The following KCNMA1 variants were observed in gnomAD, a reference collection of about 807,000 sequenced individuals.
KCNMA1 encodes the protein potassium calcium-activated channel subfamily M alpha 1.
Under a neutral mutation model 140.0 loss-of-function variants are expected in KCNMA1, and 29 were observed. That is an observed-to-expected ratio of 0.21 (90% CI 0.15 to 0.28). The LOEUF (loss-of-function observed/expected upper bound fraction) is 0.28, where lower values mean the gene tolerates loss of function less well. Among genes scored for constraint, KCNMA1 ranks in the 10% least tolerant of loss-of-function variants. The pLI is 1.00. For missense variants in KCNMA1, 880 were observed against 1,602.2 expected, an observed-to-expected ratio of 0.55 and a Z score of 7.70; for synonymous variants, 612 against 611.9, an observed-to-expected ratio of 1.00 and a Z score of 0.00.
chr10:77,085,441 C>A (rs147589991), intron 11 of KCNMA1, among the ~76,000 whole-genome samples: 2 of 152,278 alleles, frequency 1.3e-5, no homozygotes, highest in African/African-American at 4.8e-5. Context: ...ATTAGGTCCA[C>A]GAACAATAAC....
intron 3 of KCNMA1, 36 bp downstream of exon 3, chr10:77,251,159 T>C (rs1391984205): frequency 9.3e-6 from 14 of 1,498,986 alleles, no homozygotes; most frequent in Non-Finnish European, 1.2e-5. Context: ...TGATTGTTTA[T>C]GAAACGAGGG....
intron 1 of KCNMA1, among the ~76,000 whole-genome samples, chr10:77,477,463 A>G (rs2098302790): frequency 6.6e-6 from 1 of 152,190 alleles, no homozygotes; most frequent in African/African-American, 2.4e-5. Context: ...GACTGCCTCT[A>G]TGTCTAGGGA....
intron 2 of KCNMA1, among the ~76,000 whole-genome samples, chr10:77,389,053 A>T (rs550599467): frequency 2.2e-4 from 34 of 152,358 alleles, no homozygotes; most frequent in Non-Finnish European, 4.6e-4. Context: ...CTTTGCTTAA[A>T]TCATGTTAAT....
intron 1 of KCNMA1, among the ~76,000 whole-genome samples, chr10:77,432,784 T>C (rs190499115): frequency 6.6e-6 from 1 of 152,256 alleles, no homozygotes; most frequent in East Asian, 1.9e-4. Flanking sequence ...CTTTCAACTT[T>C]TAAAAAACTA....
intron 1 of KCNMA1, chr10:77,636,672 C>T: frequency 1.3e-6 from 2 of 1,534,284 alleles, no homozygotes; most frequent in Admixed American, 2.0e-5. Flanking sequence ...ATCTCCCCAA[C>T]TTCTCTCGCC....
chr10:77,382,986 GTGTGTGTGTATATA>G (rs1169401924), intron 2 of KCNMA1, among the ~76,000 whole-genome samples: 2,344 of 57,952 alleles, frequency 0.04, 77 homozygotes, highest in African/African-American at 0.17. Flanking sequence ...GTGTGTGTGT[GTGTGTGTGTATATA>G]TATATATATA....
At chr10:77,256,651 G>A (rs1480309117) in intron 2 of KCNMA1, among the ~76,000 whole-genome samples, 1 of 152,098 alleles carries the variant, frequency 6.6e-6, no homozygotes, top group Non-Finnish European at 1.5e-5. Flanking sequence ...TCCTGAGCAG[G>A]TTTTACACAT....
rs1406386585 is a variant in KCNMA1 at position 76,920,033 on chromosome 10, TATATATATATATATATATAC to T, written c.2903-5004_2903-4985del. On this transcript the variant is annotated intron_variant, in intron 23 of 27. Transcript: ENST00000286628. Reference sequence around the variant, plus strand: ...GTGTGTGTGTGTGTATATATATATATATATATATATATATATATACACACAATATTCCTTATGTGATCATA... The same window carrying T: ...GTGTGTGTGTGTGTATATATATATATACACAATATTCCTTATGTGATCATA... 4.8e-3 allele frequency among the ~76,000 whole-genome samples: 544 copies of T among 112,330 alleles called. 26 individuals are homozygous for T. Among genetic ancestry groups the T allele is most frequent in the African/African-American group, 0.017 (442 of 26,482 alleles). The allele number at this position is 112,330 out of a possible 152,430, so 73.7% of individuals were successfully genotyped here.
intron 1 of KCNMA1, among the ~76,000 whole-genome samples, chr10:77,470,450 G>C (rs1388858015): frequency 6.6e-6 from 1 of 152,094 alleles, no homozygotes; most frequent in Non-Finnish European, 1.5e-5. Context: ...TAAACCAAAG[G>C]CCCGGCACCC....
chr10:77,117,539 C>CAAAAAAAAAA (rs56926398), intron 6 of KCNMA1, among the ~76,000 whole-genome samples: 111 of 22,368 alleles, frequency 5.0e-3, no homozygotes, highest in African/African-American at 6.7e-3. Context: ...GAGTCTATCT[C>CAAAAAAAAAA]AAAAAAAAAA....
At chr10:77,596,244 G>T (rs1040762522) in intron 1 of KCNMA1, among the ~76,000 whole-genome samples, 1 of 152,182 alleles carries the variant, frequency 6.6e-6, no homozygotes, top group South Asian at 2.1e-4. Flanking sequence ...TGTGGACAGG[G>T]ACACTGGTTC....
At chr10:77,196,991 A>T in intron 3 of KCNMA1, among the ~76,000 whole-genome samples, 1 of 152,222 alleles carries the variant, frequency 6.6e-6, no homozygotes, top group Middle Eastern at 3.2e-3. Flanking sequence ...TAAGGAAAAG[A>T]AAGCAGTTTT....
At chr10:77,376,339 G>A (rs572527806) in intron 2 of KCNMA1, 3 of 152,296 alleles carry the variant, frequency 2.0e-5, no homozygotes, top group Non-Finnish European at 4.4e-5. Flanking sequence ...GGGAGAATAG[G>A]TCCTGGGGGA....
chr10:77,297,055 C>T (rs370451615), intron 2 of KCNMA1, among the ~76,000 whole-genome samples: 62 of 152,232 alleles, frequency 4.1e-4, no homozygotes, highest in African/African-American at 1.5e-3. Flanking sequence ...AGACTTGCCT[C>T]ATTGCTCCAG....
chr10:77,609,859 A>G (rs2086133156), intron 1 of KCNMA1, among the ~76,000 whole-genome samples: 1 of 152,166 alleles, frequency 6.6e-6, no homozygotes, highest in Non-Finnish European at 1.5e-5. Context: ...CCCCAAACAT[A>G]CTCAAGGATG....
intron 1 of KCNMA1, among the ~76,000 whole-genome samples, chr10:77,562,005 G>A (rs2066554436): frequency 6.6e-6 from 1 of 152,234 alleles, no homozygotes; most frequent in African/African-American, 2.4e-5. Flanking sequence ...AACCAAGGCT[G>A]CTATGCAAAG....
At chr10:77,102,035 G>A (rs531023753) in intron 9 of KCNMA1, among the ~76,000 whole-genome samples, 3 of 152,318 alleles carry the variant, frequency 2.0e-5, no homozygotes, top group South Asian at 4.1e-4. Context: ...CAAATAGTAC[G>A]ATGTGTAGCT....
intron 1 of KCNMA1, among the ~76,000 whole-genome samples, chr10:77,413,191 A>G (rs78295281): frequency 0.041 from 6,232 of 152,166 alleles, 287 homozygotes; most frequent in East Asian, 0.21. Context: ...GCTTTGTTTC[A>G]TGACAATAAC....
At chr10:77,563,822 G>A (rs192362871) in intron 1 of KCNMA1, among the ~76,000 whole-genome samples, 68 of 152,302 alleles carry the variant, frequency 4.5e-4, no homozygotes, top group African/African-American at 1.5e-3. Flanking sequence ...GTGGGGCCGC[G>A]TAGCACACCC....
Sources: allele counts gnomAD v4.1 joint callset (sites outside exome capture counted in the v4.1 genomes callset), GRCh38; gene constraint gnomAD v4.1.1; transcripts MANE v1.5; gene names NCBI Gene and HGNC (gene_info 2026-07-23, HGNC 2026-07-21).